Variants in UNC13C observed in about 807,000 individuals in gnomAD.
UNC13C encodes protein unc-13 homolog C.
A neutral mutation model predicts 245.4 loss-of-function variants in UNC13C; 174 were observed. The ratio of observed to expected loss-of-function variants is 0.71; its 90% CI spans 0.63 to 0.80. The LOEUF is 0.80. UNC13C is among the 30% of genes least tolerant of loss of function. The pLI is 0.00. For missense variants in UNC13C, 2,829 were observed against 2,602.9 expected, an observed-to-expected ratio of 1.09 and a Z score of -1.89; for synonymous variants, 992 against 895.1, an observed-to-expected ratio of 1.11 and a Z score of -1.93.
chr15:53,940,602 C>A, the UNC13C span, among the ~76,000 whole-genome samples: 1 of 152,078 alleles, frequency 6.6e-6, no homozygotes, highest in Admixed American at 6.6e-5. Context: ...TTAAGCTGAT[C>A]GGCAACTTCA....
At chr15:54,048,584 A>C (rs944660943) in intron 2 of UNC13C, 1 of 391,738 alleles carries the variant, frequency 2.6e-6, no homozygotes. Context: ...GAAACTTATC[A>C]ATTTCGCCAA....
intron 30 of UNC13C, among the ~76,000 whole-genome samples, chr15:54,591,659 G>C (rs535816801): frequency 1.3e-5 from 2 of 151,876 alleles, no homozygotes; most frequent in Admixed American, 6.6e-5. Context: ...TCTCAGTGAG[G>C]TTATTTGGAT....
intron 30 of UNC13C, among the ~76,000 whole-genome samples, chr15:54,568,738 A>C (rs983478864): frequency 6.6e-6 from 1 of 152,314 alleles, no homozygotes; most frequent in African/African-American, 2.4e-5. Context: ...CACTAACTTC[A>C]TTCATGAAAG....
At chr15:54,386,223 T>C (rs1368014163) in intron 17 of UNC13C, among the ~76,000 whole-genome samples, 1 of 152,216 alleles carries the variant, frequency 6.6e-6, no homozygotes, top group Non-Finnish European at 1.5e-5. Context: ...TAACCCTCAG[T>C]TTACTTATCT....
chr15:53,869,638 G>A, the UNC13C span, among the ~76,000 whole-genome samples: 2 of 152,184 alleles, frequency 1.3e-5, no homozygotes. Flanking sequence ...AATAATATAT[G>A]CTGACACAGA....
chr15:54,595,615 G>T (rs1429125384), intron 30 of UNC13C, among the ~76,000 whole-genome samples: 4 of 152,234 alleles, frequency 2.6e-5, no homozygotes, highest in South Asian at 2.1e-4. Flanking sequence ...TCTTAATTAT[G>T]GAATTTGTGA....
At chr15:54,031,029 T>C (rs1896336139) in intron 2 of UNC13C, among the ~76,000 whole-genome samples, 3 of 152,146 alleles carry the variant, frequency 2.0e-5, no homozygotes, top group Admixed American at 6.5e-5. Flanking sequence ...TGTGATGCTG[T>C]GTCTCCCAAT....
At chr15:54,041,195 A>G (rs1210216724) in intron 2 of UNC13C, among the ~76,000 whole-genome samples, 1 of 152,184 alleles carries the variant, frequency 6.6e-6, no homozygotes, top group African/African-American at 2.4e-5. Context: ...AAAACTTTGT[A>G]TCCTGCATTT....
At chr15:54,224,803 T>C (rs975081978) in intron 4 of UNC13C, among the ~76,000 whole-genome samples, 2 of 152,146 alleles carry the variant, frequency 1.3e-5, no homozygotes, top group African/African-American at 2.4e-5. Context: ...AGAGGCACTT[T>C]ATTGCAGCTT....
At chr15:54,100,701 T>C (rs748963760) in intron 2 of UNC13C, among the ~76,000 whole-genome samples, 3 of 151,412 alleles carry the variant, frequency 2.0e-5, no homozygotes, top group Non-Finnish European at 4.4e-5. Context: ...AAAAAAAAAA[T>C]AGCTGTTGAA....
chr15:53,851,199 G>A, the UNC13C span, among the ~76,000 whole-genome samples: 1 of 151,754 alleles, frequency 6.6e-6, no homozygotes, highest in Non-Finnish European at 1.5e-5. Context: ...CTGGTTATTG[G>A]TGACATTTTT....
At chr15:54,473,196 TATTG>T (rs965855180) in intron 19 of UNC13C, among the ~76,000 whole-genome samples, 31 of 147,164 alleles carry the variant, frequency 2.1e-4, no homozygotes, top group Admixed American at 1.9e-3. Flanking sequence ...GAGATTATTT[TATTG>T]ATTATTTATT....
chr15:54,449,497 C>G (rs1051686451), intron 19 of UNC13C, among the ~76,000 whole-genome samples: 6 of 152,122 alleles, frequency 3.9e-5, no homozygotes, highest in Non-Finnish European at 5.9e-5. Flanking sequence ...TTTCTCTAAA[C>G]TTCTCTTCTC....
At position 54,502,793 on chromosome 15, in the gene UNC13C, C is replaced by T. The variant is rs572409040; in HGVS notation, c.5301+1815C>T. 4.6e-5 allele frequency among the ~76,000 whole-genome samples: 7 copies of T among 152,176 alleles called. No individual in the cohort carries two copies. The South Asian group carries it at 1.5e-3, about 32-fold the overall frequency. On this transcript the variant is annotated intron_variant, in intron 22 of 32. Coordinates refer to ENST00000260323, the MANE Select transcript of UNC13C (RefSeq NM_001080534.3). ...ATTGTACCTGATATTAGAAAAGTAACTAGAATTCACCCTCAGAATAGTCAG... is the reference window on the plus strand; with the variant it reads ...ATTGTACCTGATATTAGAAAAGTAATTAGAATTCACCCTCAGAATAGTCAG...
intron 1 of UNC13C, among the ~76,000 whole-genome samples, chr15:53,998,357 G>A (rs1219648196): frequency 1.3e-5 from 2 of 151,908 alleles, no homozygotes; most frequent in Non-Finnish European, 2.9e-5. Context: ...AAATATGTCA[G>A]TAAATTTTTT....
the UNC13C span, among the ~76,000 whole-genome samples, chr15:53,909,408 A>G: frequency 6.8e-6 from 1 of 146,800 alleles, no homozygotes; most frequent in Non-Finnish European, 1.5e-5. Context: ...TGCTGATAGA[A>G]TCCTACTTCA....
chr15:54,389,784 A>G (rs1216941112), intron 17 of UNC13C, among the ~76,000 whole-genome samples: 1 of 150,728 alleles, frequency 6.6e-6, no homozygotes, highest in Non-Finnish European at 1.5e-5. Flanking sequence ...GCTGGAGTGC[A>G]GTGGCACAAT....
At chr15:54,554,905 A>T (rs1897027250) in intron 28 of UNC13C, among the ~76,000 whole-genome samples, 1 of 152,112 alleles carries the variant, frequency 6.6e-6, no homozygotes, top group African/African-American at 2.4e-5. Context: ...TAAAATGATT[A>T]TAAAATATTT....
chr15:54,487,946 T>C (rs966711560), intron 19 of UNC13C, among the ~76,000 whole-genome samples: 2 of 152,290 alleles, frequency 1.3e-5, no homozygotes, highest in African/African-American at 4.8e-5. Flanking sequence ...TTTATTACTC[T>C]AACCTTTAAC....
Sources: gnomAD v4.1 joint callset for allele counts (sites outside exome capture counted in the v4.1 genomes callset) on GRCh38, gnomAD v4.1.1 for gene constraint, MANE v1.5 for transcripts, NCBI Gene and HGNC (gene_info 2026-07-23, HGNC 2026-07-21) for gene names.